Variants in MAP4K2 observed in about 807,000 individuals in gnomAD.
The protein encoded by MAP4K2 is B lymphocyte serine/threonine protein kinase.
Under a neutral mutation model 125.3 loss-of-function variants are expected in MAP4K2, and 85 were observed. The ratio of observed to expected loss-of-function variants is 0.68; its 90% CI spans 0.57 to 0.81. MAP4K2 has a LOEUF of 0.81. Ranked by LOEUF, MAP4K2 falls within the 40% of genes least tolerant of loss-of-function variation. MAP4K2 has a pLI of 0.00. For missense variants in MAP4K2, 923 were observed against 1,056.4 expected (o/e 0.87, Z 1.75); for synonymous variants, 479 against 445.1 (o/e 1.08, Z -0.96).
At position 64,785,957 on chromosome 11, in the gene MAP4K2, T is replaced by C. The variant is rs1940190696; in HGVS notation, c.*3580A>G. 2 of 152,198 alleles carry C rather than the reference T, an allele frequency of 1.3e-5. No individual in the cohort carries two copies. The highest frequency in any genetic ancestry group is 2.9e-5 in the Non-Finnish European group (2 of 68,032). The allele number at this position is 152,198 out of a possible 1,614,324, so 9.4% of individuals were successfully genotyped here. On this transcript the variant is annotated 3_prime_UTR_variant, in exon 32 of 32. Coordinates refer to ENST00000294066, the MANE Select transcript of MAP4K2 (RefSeq NM_004579.5). ...GTGGCACCTTATGTGAGTTAGGAAC[T>C]GAGTTATAACTTAAATACCCATGAA...
Position 64,802,604 on chromosome 11 carries a change from G to C in MAP4K2, c.204C>G (p.Cys68Trp). ...LQQEITILRECRHPNVVAYIG... is the reference protein window; with the variant it reads ...LQQEITILREWRHPNVVAYIG... ...TGTAGGCCACCACATTGGGGTGGCG[G>C]CACTCACGCAGGATGGTGATTTCCT... The change falls in exon 3 of 32, where the codon TGC becomes TGG. Residue 68 changes from cysteine to tryptophan, a missense_variant. By Grantham distance (215) the Cys-to-Trp change is radical. This residue lies in a region of MAP4K2 where 833 missense variants were observed against 911.4 expected (regional missense o/e 0.91). Transcript: ENST00000294066. 1.9e-6 allele frequency: 3 copies of C among 1,612,234 alleles called. No individual in the cohort carries two copies. The highest frequency in any genetic ancestry group is 2.5e-6 in the Non-Finnish European group (3 of 1,179,344).
At chr11:64,799,389 C>T (rs758534659) in intron 14 of MAP4K2, 32 bp downstream of exon 14, 11 of 1,610,014 alleles carry the variant, frequency 6.8e-6, no homozygotes, top group Non-Finnish European at 9.3e-6. Flanking sequence ...CACCTCTGGG[C>T]ACCACCTTCC....
At position 64,789,785 on chromosome 11, in the gene MAP4K2, C is replaced by G; in HGVS notation, c.2320G>C (p.Val774Leu). The G allele has an allele frequency of 6.2e-7, 1 of 1,614,116 alleles. No individual in the cohort carries two copies. The highest frequency in any genetic ancestry group is 2.2e-5 in the East Asian group (1 of 44,882). ...MQGRSLDTNE[V>L]TQEITDETRI... is the part of the protein sequence containing the mutation. ...GTTTCATCTGTGATCTCCTGGGTCA[C>G]CTGGGAAGACAGGTGGGAAGCACTG... The change falls in exon 31 of 32, where the codon GTG becomes CTG. Residue 774 changes from valine (V) to leucine (L), a missense_variant and splice_region_variant. Val to Leu is a conservative substitution (Grantham distance 32, BLOSUM62 1). Coordinates refer to ENST00000294066, the MANE Select transcript of MAP4K2 (RefSeq NM_004579.5).
At chr11:64,802,025 T>A (rs1296149965) in intron 5 of MAP4K2, 41 bp downstream of exon 5, 1 of 1,593,714 alleles carries the variant, frequency 6.3e-7, no homozygotes, top group Non-Finnish European at 8.6e-7. Context: ...GCCCACAGCT[T>A]CTGGAGACCA....
chr11:64,802,426 A>T lies in MAP4K2; in HGVS notation c.303T>A (p.Ile101=), dbSNP rs769297195. 6.7e-7 allele frequency: 1 copy of T among 1,494,578 alleles called. No homozygotes were observed. Among genetic ancestry groups the T allele is most frequent in the Admixed American group, 2.4e-5 (1 of 41,364 alleles). 92.6% of individuals were successfully genotyped at this position (1,494,578 alleles called of 1,614,324 possible). ...EFCGGGSLQE[I]YHATGPLEER... is the part of the protein sequence containing the mutation. ...CTGGAGCCCTGGCCTCACCATGGTA[A>T]ATCTCCTGCAGGGAGCCCCCTCCGC... The change falls in exon 4 of 32, where the codon ATT becomes ATA. Residue 101 remains isoleucine, a synonymous_variant. Transcript: ENST00000294066.
Position 64,800,196 on chromosome 11 carries a change from C to CT in MAP4K2, c.827dup (p.Leu277AlafsTer15). The CT allele has an allele frequency of 6.2e-7, 1 of 1,613,250 alleles. No homozygotes were observed. On this transcript the variant is annotated frameshift_variant, in exon 12 of 32. Transcript: ENST00000294066. LOFTEE classifies it high-confidence loss of function. ...GCTGTGTGAGGAGGGCCCGAGGGAGCTGCTGAGTCGTGAACGGGTGCTGGA... is the reference window on the plus strand; with the variant it reads ...GCTGTGTGAGGAGGGCCCGAGGGAGCTTGCTGAGTCGTGAACGGGTGCTGGA...
intron 15 of MAP4K2, among the ~76,000 whole-genome samples, chr11:64,798,358 C>A (rs1940954523): frequency 6.6e-6 from 1 of 151,588 alleles, no homozygotes; most frequent in African/African-American, 2.4e-5. Context: ...TAGAGACGGG[C>A]TTTCACCATG....
intron 24 of MAP4K2, among the ~76,000 whole-genome samples, chr11:64,794,515 A>G (rs560321546): frequency 6.6e-6 from 1 of 152,080 alleles, no homozygotes; most frequent in East Asian, 1.9e-4. Flanking sequence ...GCCCGCCACC[A>G]TGCCCGGCTA....
chr11:64,802,824 AC>A lies in MAP4K2; in HGVS notation c.154+60del, dbSNP rs959269151. 8.4e-6 allele frequency: 13 copies of A among 1,542,734 alleles called. No individual in the cohort carries two copies. The Admixed American group carries it at 2.4e-4, about 29-fold the overall frequency. Reference sequence around the variant, plus strand: ...TCGGAAACGTCAACCCTCCGCCCGCACCCCGCGCCCGCGGGCGCTCTGCCCT... The same window carrying A: ...TCGGAAACGTCAACCCTCCGCCCGCACCCGCGCCCGCGGGCGCTCTGCCCT... On this transcript the variant is annotated intron_variant, in intron 2 of 31. Coordinates refer to ENST00000294066, the MANE Select transcript of MAP4K2 (RefSeq NM_004579.5).
At chr11:64,799,383 T>C in intron 14 of MAP4K2, 38 bp downstream of exon 14, 1 of 1,608,118 alleles carries the variant, frequency 6.2e-7, no homozygotes, top group Non-Finnish European at 8.5e-7. Context: ...CTGCCCCACC[T>C]CTGGGCACCA....
Position 64,789,359 on chromosome 11 carries a change from C to T in MAP4K2, c.*178G>A, listed in dbSNP as rs1241524193. 8.2e-6 allele frequency: 5 copies of T among 609,772 alleles called. No individual in the cohort carries two copies. Among genetic ancestry groups the T allele is most frequent in the African/African-American group, 1.9e-5 (1 of 53,922 alleles). The allele number at this position is 609,772 out of a possible 1,614,324, so 37.8% of individuals were successfully genotyped here. On this transcript the variant is annotated 3_prime_UTR_variant, in exon 32 of 32. Coordinates refer to ENST00000294066, the MANE Select transcript of MAP4K2 (RefSeq NM_004579.5). ...CCCCCTGGTCCAGTTATTGCAGAGG[C>T]GTCGGGGGCTCCCCTCCCTCCCCAG...
In MAP4K2 at chr11:64,803,040, C is replaced by T; in HGVS notation, c.96+14G>A. 1 of 1,602,096 alleles carries T rather than the reference C, an allele frequency of 6.2e-7. No homozygotes were observed. The stretch of plus-strand genomic sequence containing the variant: ...GGCACCCTCCTCCCGGCTCTCCCGC[C>T]CGTCCCGTCGCACCTTGTAGACGTC... On this transcript the variant is annotated intron_variant, in intron 1 of 31. Transcript: ENST00000294066.
intron 27 of MAP4K2, among the ~76,000 whole-genome samples, chr11:64,790,902 G>A (rs980992494): frequency 1.3e-4 from 20 of 152,194 alleles, no homozygotes; most frequent in Admixed American, 6.5e-5. Flanking sequence ...GTGGGAGGCC[G>A]AAGCGGGTGG....
Position 64,797,030 on chromosome 11 carries a change from G to A in MAP4K2, c.1366-7C>T. The A allele has an allele frequency of 1.2e-6, 2 of 1,614,086 alleles. No individual in the cohort carries two copies. The highest frequency in any genetic ancestry group is 1.1e-5 in the South Asian group (1 of 91,086). ...GCCCGTGGCAGGATGACCTCTGGGA[G>A]GGAGGAAAGGAGTCAGGGCTGATAT... On this transcript the variant is annotated splice_polypyrimidine_tract_variant and splice_region_variant and intron_variant, in intron 19 of 31. Coordinates refer to ENST00000294066, the MANE Select transcript of MAP4K2 (RefSeq NM_004579.5).
Position 64,802,117 on chromosome 11 carries a change from A to G in MAP4K2, c.315T>C (p.Thr105=), listed in dbSNP as rs776378265. The G allele has an allele frequency of 1.9e-6, 3 of 1,612,946 alleles. No individual in the cohort carries two copies. Among genetic ancestry groups the G allele is most frequent in the Admixed American group, 1.7e-5 (1 of 60,000 alleles). The change falls in exon 5 of 32, where the codon ACT becomes ACC. Residue 105 remains threonine, a synonymous_variant. Coordinates refer to ENST00000294066, the MANE Select transcript of MAP4K2 (RefSeq NM_004579.5). ...CAATCTGCCGCTCCTCCAGGGGCCC[A>G]GTGGCTGAAAGGAAAAGGGAGAGGC... is the stretch of plus-strand genomic sequence containing the variant. The part of the protein sequence containing the change: ...GGSLQEIYHA[T]GPLEERQIAY...
chr11:64,800,965 G>A lies in MAP4K2; in HGVS notation c.597C>T (p.Ala199=). 1 of 1,614,008 alleles carries A rather than the reference G, an allele frequency of 6.2e-7. No individual in the cohort carries two copies. Among genetic ancestry groups the A allele is most frequent in the Non-Finnish European group, 8.5e-7 (1 of 1,180,010 alleles). Residue 199 remains alanine, a synonymous_variant, in exon 9 of 32, where the codon GCC becomes GCT. Transcript: ENST00000294066. ...GGYNELCDVW[A]LGITAIELGE... ...CCAGCTCAATGGCAGTGATGCCCAG[G>A]GCCCAGACGTCACATAGCTCATTGT...
In MAP4K2 at chr11:64,797,495, T is replaced by G. The variant is rs1395589319; in HGVS notation, c.1170+6A>C. ...ATCCCAGCTCCAGCCTCCCTCTGTGTGGCACCTGGAATTCTGAGGCTGACC... is the reference window on the plus strand; with the variant it reads ...ATCCCAGCTCCAGCCTCCCTCTGTGGGGCACCTGGAATTCTGAGGCTGACC... On this transcript the variant is annotated splice_donor_region_variant and intron_variant, in intron 17 of 31. Coordinates refer to ENST00000294066, the MANE Select transcript of MAP4K2 (RefSeq NM_004579.5). 1 of 1,563,294 alleles carries G rather than the reference T, an allele frequency of 6.4e-7. No individual in the cohort carries two copies. The highest frequency in any genetic ancestry group is 1.2e-5 in the South Asian group (1 of 84,942).
chr11:64,799,053 G>C (rs566557126), intron 14 of MAP4K2, among the ~76,000 whole-genome samples: 10 of 152,164 alleles, frequency 6.6e-5, no homozygotes, highest in Admixed American at 4.6e-4. Context: ...AGACAGGCTG[G>C]GGGGTGAGGA....
chr11:64,795,167 T>A (rs1254820004), intron 24 of MAP4K2, among the ~76,000 whole-genome samples: 2 of 146,928 alleles, frequency 1.4e-5, no homozygotes, highest in Non-Finnish European at 3.0e-5. Flanking sequence ...CACTGCAACC[T>A]CTGCCTCTAG....
Sources: allele counts gnomAD v4.1 joint callset (sites outside exome capture counted in the v4.1 genomes callset), GRCh38; gene constraint gnomAD v4.1.1; regional missense constraint gnomAD v4.1.1; transcripts MANE v1.5; gene names NCBI Gene and HGNC (gene_info 2026-07-23, HGNC 2026-07-21).